ITGA8: variants seen among roughly 807,000 people sequenced by gnomAD.
ITGA8 encodes integrin alpha-8.
ITGA8 carries 91 observed loss-of-function variants against 142.3 expected under a neutral mutation model. The observed-to-expected ratio is 0.64, with a 90% confidence interval of 0.54 to 0.76. The LOEUF is 0.76. Among genes scored for constraint, ITGA8 ranks in the 30% least tolerant of loss-of-function variants. The pLI is 0.00. For missense variants in ITGA8, 1,406 were observed against 1,327.7 expected (o/e 1.06, Z -0.92); for synonymous variants, 505 against 485.2 (o/e 1.04, Z -0.54).
At chr10:15,659,633 A>G (rs532449664) in intron 9 of ITGA8, among the ~76,000 whole-genome samples, 5 of 152,364 alleles carry the variant, frequency 3.3e-5, no homozygotes, top group South Asian at 2.1e-4. Context: ...ATATCTACCC[A>G]GAACATCAGA....
intron 15 of ITGA8, among the ~76,000 whole-genome samples, chr10:15,612,384 T>G (rs917927287): frequency 6.6e-6 from 1 of 152,218 alleles, no homozygotes; most frequent in African/African-American, 2.4e-5. Flanking sequence ...TCTGCAATTC[T>G]GACATTCTCA....
At chr10:15,667,856 T>C (rs1355667755) in intron 8 of ITGA8, among the ~76,000 whole-genome samples, 19 of 142,732 alleles carry the variant, frequency 1.3e-4, no homozygotes, top group South Asian at 6.8e-4. Flanking sequence ...TCCTGAGTTC[T>C]AGTTTGATTG....
intron 3 of ITGA8, among the ~76,000 whole-genome samples, chr10:15,687,504 T>C (rs1834853538): frequency 6.6e-6 from 1 of 152,200 alleles, no homozygotes; most frequent in Admixed American, 6.5e-5. Flanking sequence ...CAGTTAGCCG[T>C]TTAAAAATTA....
intron 10 of ITGA8, among the ~76,000 whole-genome samples, chr10:15,658,360 T>C (rs1385811036): frequency 6.6e-6 from 1 of 152,176 alleles, no homozygotes; most frequent in African/African-American, 2.4e-5. Context: ...TTCATGTTAA[T>C]ACGAAACCAC....
intron 27 of ITGA8, among the ~76,000 whole-genome samples, chr10:15,535,280 G>C (rs998639759): frequency 3.9e-5 from 6 of 152,108 alleles, no homozygotes; most frequent in African/African-American, 1.4e-4. Context: ...CCTGCTCCAC[G>C]GTACCCAGTC....
chr10:15,522,385 C>A (rs918688326), intron 28 of ITGA8, among the ~76,000 whole-genome samples: 4 of 152,104 alleles, frequency 2.6e-5, no homozygotes, highest in African/African-American at 9.7e-5. Flanking sequence ...CTCAGAGGAA[C>A]AGCATGAAGT....
At position 15,561,545 on chromosome 10, in the gene ITGA8, A is replaced by G. The variant is rs979129152; in HGVS notation, c.2638-3343T>C. 4.6e-5 allele frequency among the ~76,000 whole-genome samples: 7 copies of G among 152,304 alleles called. No homozygotes were observed. In the South Asian group the frequency reaches 1.4e-3, roughly 32 times the overall value. On this transcript the variant is annotated intron_variant, in intron 25 of 29. Transcript: ENST00000378076. ...GAGGTCCGTTCTTGGAAGAGAATACAGAGTCAAATTACTGCACTTACTGTT... is the reference window on the plus strand; with the variant it reads ...GAGGTCCGTTCTTGGAAGAGAATACGGAGTCAAATTACTGCACTTACTGTT...
At chr10:15,650,939 T>C (rs1246473533) in intron 11 of ITGA8, among the ~76,000 whole-genome samples, 1 of 152,346 alleles carries the variant, frequency 6.6e-6, no homozygotes, top group South Asian at 2.1e-4. Context: ...AATTGAATCA[T>C]AATGATATAT....
intron 4 of ITGA8, among the ~76,000 whole-genome samples, chr10:15,682,312 A>G (rs1002254057): frequency 6.6e-6 from 1 of 152,156 alleles, no homozygotes; most frequent in African/African-American, 2.4e-5. Flanking sequence ...CTAAACATAG[A>G]AGAGTTAGTT....
At chr10:15,674,549 A>G (rs1483759176) in intron 6 of ITGA8, among the ~76,000 whole-genome samples, 1 of 152,226 alleles carries the variant, frequency 6.6e-6, no homozygotes, top group Non-Finnish European at 1.5e-5. Context: ...CAGTTTGCAG[A>G]GTAGTTTTTA....
At chr10:15,557,971 G>C in intron 26 of ITGA8, 103 bp downstream of exon 26, 1 of 1,411,096 alleles carries the variant, frequency 7.1e-7, no homozygotes, top group Non-Finnish European at 9.8e-7. Flanking sequence ...TCTGAGCACT[G>C]AAGGAGACCA....
At chr10:15,591,539 G>A (rs1832922802) in intron 22 of ITGA8, among the ~76,000 whole-genome samples, 1 of 151,798 alleles carries the variant, frequency 6.6e-6, no homozygotes, top group Non-Finnish European at 1.5e-5. Flanking sequence ...GTTCACAGCT[G>A]GGAAGCCCCA....
At chr10:15,671,728 C>CATG in intron 7 of ITGA8, 81 bp from the exon 8 acceptor site, 1 of 1,060,140 alleles carries the variant, frequency 9.4e-7, no homozygotes, top group Non-Finnish European at 1.5e-6. Context: ...GGTGAAAGGG[C>CATG]TACCATGGTA....
intron 23 of ITGA8, among the ~76,000 whole-genome samples, chr10:15,586,122 G>A (rs1162597072): frequency 1.5e-5 from 2 of 133,118 alleles, no homozygotes; most frequent in South Asian, 2.5e-4. Context: ...GCAATGGCAC[G>A]ATCTTGGCTC....
intron 11 of ITGA8, among the ~76,000 whole-genome samples, chr10:15,650,348 A>G (rs1371811672): frequency 6.6e-6 from 1 of 152,228 alleles, no homozygotes; most frequent in Non-Finnish European, 1.5e-5. Context: ...TAGACAATTA[A>G]TCTTCAGATG....
chr10:15,709,405 G>A (rs972087994), intron 2 of ITGA8, among the ~76,000 whole-genome samples: 3 of 152,112 alleles, frequency 2.0e-5, no homozygotes, highest in Admixed American at 6.6e-5. Context: ...GTAGAATGGC[G>A]CACCCCAGAA....
At chr10:15,680,419 T>C (rs1290719462) in intron 4 of ITGA8, among the ~76,000 whole-genome samples, 2 of 151,888 alleles carry the variant, frequency 1.3e-5, no homozygotes. Flanking sequence ...TTGTTCCTTA[T>C]TTTACCGCTA....
chr10:15,586,716 CA>C (rs1255013141), intron 22 of ITGA8, 52 bp from the exon 23 acceptor site: 5 of 1,032,402 alleles, frequency 4.8e-6, no homozygotes, highest in Non-Finnish European at 7.6e-6. Flanking sequence ...AGTATTATTA[CA>C]ATATATGATC....
chr10:15,654,584 G>T (rs954472038), intron 11 of ITGA8, among the ~76,000 whole-genome samples: 3 of 152,188 alleles, frequency 2.0e-5, no homozygotes, highest in African/African-American at 7.2e-5. Context: ...AAAGTGCTTA[G>T]CCCGTTGCCT....
Sources: allele counts gnomAD v4.1 joint callset (sites outside exome capture counted in the v4.1 genomes callset), GRCh38; gene constraint gnomAD v4.1.1; transcripts MANE v1.5; gene names NCBI Gene and HGNC (gene_info 2026-07-23, HGNC 2026-07-21).